Variants in MPPED2 observed in about 807,000 individuals in gnomAD.
The protein encoded by MPPED2 is metallophosphoesterase domain containing 2.
Under a neutral mutation model 33.0 loss-of-function variants are expected in MPPED2, and 5 were observed. That is an observed-to-expected ratio of 0.15 (90% CI 0.08 to 0.32). The LOEUF (loss-of-function observed/expected upper bound fraction) is 0.32. Ranked by LOEUF, MPPED2 falls within the 10% of genes least tolerant of loss-of-function variation. The pLI is 1.00. For synonymous variants in MPPED2, 136 were observed against 141.9 expected (o/e 0.96, Z 0.29); for missense variants, 275 against 372.1 (o/e 0.74, Z 2.15).
At chr11:30,405,876 A>G (rs1947981473), downstream of MPPED2, among the ~76,000 whole-genome samples, 1 of 152,158 alleles carries the variant, frequency 6.6e-6, no homozygotes, top group South Asian at 2.1e-4. Context: ...TGAGATGGGA[A>G]TGATTCCTTT....
chr11:30,557,135 AGTTT>A (rs1458052529), intron 2 of MPPED2, among the ~76,000 whole-genome samples: 1 of 151,032 alleles, frequency 6.6e-6, no homozygotes, highest in African/African-American at 2.5e-5. Flanking sequence ...TGCTAGATTC[AGTTT>A]GTTTGTGTGC....
rs142670850 is a variant in MPPED2 at position 30,411,570 on chromosome 11, G to A, written c.783C>T (p.Thr261=). 43 of 1,613,052 alleles carry A rather than the reference G, an allele frequency of 2.7e-5. No individual in the cohort carries two copies. The highest frequency in any genetic ancestry group is 1.1e-5 in the South Asian group (1 of 90,974). ...GGIHEGYGIM[T]DGYTTYINAS... ...CATTGATGTACGTTGTGTAACCGTC[G>A]GTCATGATGCCATAACCTGTGGGGA... Residue 261 remains threonine (T), a synonymous_variant, in exon 7 of 7, where the codon ACC becomes ACT. Coordinates refer to ENST00000358117, the MANE Select transcript of MPPED2 (RefSeq NM_001584.3).
intron 2 of MPPED2, among the ~76,000 whole-genome samples, chr11:30,538,748 T>C (rs1433502522): frequency 6.6e-6 from 1 of 152,042 alleles, no homozygotes. Context: ...ACCACCACCA[T>C]GATGCCATCA....
intron 1 of MPPED2, among the ~76,000 whole-genome samples, chr11:30,581,097 C>A (rs1450100276): frequency 6.6e-6 from 1 of 152,134 alleles, no homozygotes; most frequent in African/African-American, 2.4e-5. Context: ...GGCCCAGAAC[C>A]TTATGGTAAG....
chr11:30,481,883 C>T lies in MPPED2; in HGVS notation c.536+13413G>A, dbSNP rs904825613. The stretch of plus-strand genomic sequence containing the variant: ...TCTGGTGCTTTTGGGGGTTTCCTTG[C>T]ATTTCAGCCAGGCAAACCACAGTAC... On this transcript the variant is annotated intron_variant, in intron 4 of 6. Transcript: ENST00000358117. Among the ~76,000 whole-genome samples the T allele has an allele frequency of 3.3e-5, 5 of 152,268 alleles. No individual in the cohort carries two copies. In the East Asian group the frequency reaches 9.7e-4, roughly 29 times the overall value.
intron 4 of MPPED2, among the ~76,000 whole-genome samples, chr11:30,448,514 A>T (rs1202663223): frequency 6.6e-6 from 1 of 152,190 alleles, no homozygotes; most frequent in African/African-American, 2.4e-5. Flanking sequence ...GCTTTATCAC[A>T]TCTATCCTTA....
intron 6 of MPPED2, among the ~76,000 whole-genome samples, chr11:30,395,597 T>C (rs1947830499): frequency 6.6e-6 from 1 of 152,186 alleles, no homozygotes; most frequent in South Asian, 2.1e-4. Context: ...ATTGTTCCCA[T>C]GGTTGAGATG....
chr11:30,494,354 CA>C (rs1952130940), intron 4 of MPPED2, among the ~76,000 whole-genome samples: 1 of 152,144 alleles, frequency 6.6e-6, no homozygotes, highest in Non-Finnish European at 1.5e-5. Context: ...CACAGACATA[CA>C]CCCAGCCCCA....
At chr11:30,425,391 G>A (rs988099806) in intron 4 of MPPED2, among the ~76,000 whole-genome samples, 2 of 152,132 alleles carry the variant, frequency 1.3e-5, no homozygotes, top group African/African-American at 2.4e-5. Flanking sequence ...ACCAGTTTTC[G>A]AACTTGGCGT....
chr11:30,528,775 C>T (rs908185040), intron 3 of MPPED2, among the ~76,000 whole-genome samples: 1 of 152,132 alleles, frequency 6.6e-6, no homozygotes, highest in Admixed American at 6.5e-5. Flanking sequence ...TCTTTTAAAA[C>T]CCTTTAAAGG....
At chr11:30,388,964 G>GGA in intron 6 of MPPED2, 5 of 1,556,158 alleles carry the variant, frequency 3.2e-6, no homozygotes, top group South Asian at 1.2e-5. Context: ...TTACTAAAGG[G>GGA]GAGAGAGAGA....
In MPPED2 at chr11:30,436,529, C is replaced by A. The variant is rs1456305268; in HGVS notation, c.537-18896G>T. 3.9e-5 allele frequency among the ~76,000 whole-genome samples: 6 copies of A among 152,222 alleles called. 1 individual carries two copies. The highest frequency in any genetic ancestry group is 3.3e-4 in the Admixed American group (5 of 15,284). On this transcript the variant is annotated intron_variant, in intron 4 of 6. Coordinates refer to ENST00000358117, the MANE Select transcript of MPPED2 (RefSeq NM_001584.3). Reference sequence around the variant, plus strand: ...TGTTAGCTTCATTTACCTCTCCAGGCATCAGCTTCCTCATCTGTAAAAATG... The same window carrying A: ...TGTTAGCTTCATTTACCTCTCCAGGAATCAGCTTCCTCATCTGTAAAAATG...
At chr11:30,547,082 T>C (rs1032903637) in intron 2 of MPPED2, among the ~76,000 whole-genome samples, 1 of 152,190 alleles carries the variant, frequency 6.6e-6, no homozygotes, top group Admixed American at 6.5e-5. Flanking sequence ...GGTTTGTATA[T>C]CCAAGTTGTA....
rs1285342290 is a variant in MPPED2 at position 30,410,763 on chromosome 11, G to A, written c.*705C>T. 75 of 984,284 alleles carry A rather than the reference G, an allele frequency of 7.6e-5. No individual in the cohort carries two copies. Among genetic ancestry groups the A allele is most frequent in the Middle Eastern group, 5.2e-4 (1 of 1,928 alleles). The allele number at this position is 984,284 out of a possible 1,614,324, so 61.0% of individuals were successfully genotyped here. A position where few individuals can be genotyped will look rare whatever the true frequency, so the allele number is the denominator to read the frequency against. ...AGTCTGCATGTTCATTTTTTTAACC[G>A]TATGAAATACCTGCTCTTGACAGAT... On this transcript the variant is annotated 3_prime_UTR_variant, in exon 7 of 7. Coordinates refer to ENST00000358117, the MANE Select transcript of MPPED2 (RefSeq NM_001584.3).
At chr11:30,418,949 C>G (rs977934485) in intron 4 of MPPED2, among the ~76,000 whole-genome samples, 2 of 152,184 alleles carry the variant, frequency 1.3e-5, no homozygotes, top group African/African-American at 4.8e-5. Context: ...TCAGTTCACG[C>G]TGATATGGTG....
At chr11:30,521,741 T>C (rs1953888189) in intron 3 of MPPED2, among the ~76,000 whole-genome samples, 1 of 152,172 alleles carries the variant, frequency 6.6e-6, no homozygotes, top group Non-Finnish European at 1.5e-5. Flanking sequence ...ATAACATCAG[T>C]CGTTTCCACG....
chr11:30,563,642 A>G (rs1956324273), intron 2 of MPPED2, among the ~76,000 whole-genome samples: 1 of 152,234 alleles, frequency 6.6e-6, no homozygotes, highest in African/African-American at 2.4e-5. Context: ...GCATGTTAGT[A>G]GCAGAGGCAA....
chr11:30,543,031 G>A (rs926487303), intron 2 of MPPED2, among the ~76,000 whole-genome samples: 8 of 152,040 alleles, frequency 5.3e-5, no homozygotes, highest in Non-Finnish European at 1.0e-4. Context: ...ATCCAGTCAT[G>A]GATAATTTAC....
At chr11:30,427,166 A>G (rs567489737) in intron 4 of MPPED2, among the ~76,000 whole-genome samples, 1 of 152,378 alleles carries the variant, frequency 6.6e-6, no homozygotes, top group Non-Finnish European at 1.5e-5. Flanking sequence ...CAAAATAAGA[A>G]AAAGAGGAAA....
Sources: gnomAD v4.1 joint callset for allele counts (sites outside exome capture counted in the v4.1 genomes callset) on GRCh38, gnomAD v4.1.1 for gene constraint, MANE v1.5 for transcripts, NCBI Gene and HGNC (gene_info 2026-07-23, HGNC 2026-07-21) for gene names.